SLC39A12: variants seen among roughly 807,000 people sequenced by gnomAD.
SLC39A12 encodes the protein zinc transporter ZIP12.
A neutral mutation model predicts 71.1 loss-of-function variants in SLC39A12; 63 were observed. The observed-to-expected ratio is 0.89, with a 90% CI of 0.72 to 1.09. The LOEUF is 1.09. Among genes scored for constraint, SLC39A12 ranks in the 50% least tolerant of loss-of-function variants. The pLI, the probability that SLC39A12 is intolerant of heterozygous loss-of-function variation, is 0.00. For missense variants in SLC39A12, 892 were observed against 812.6 expected (o/e 1.10, Z -1.19); for synonymous variants, 351 against 301.3 (o/e 1.16, Z -1.71).
chr10:18,034,898 C>G (rs867697077), intron 12 of SLC39A12, among the ~76,000 whole-genome samples: 4 of 151,764 alleles, frequency 2.6e-5, no homozygotes, highest in Non-Finnish European at 2.9e-5. Context: ...ATTTCTCCTT[C>G]ACTTATGAAG....
chr10:17,960,007 T>C (rs1239645353), intron 2 of SLC39A12, among the ~76,000 whole-genome samples: 2 of 152,126 alleles, frequency 1.3e-5, no homozygotes, highest in African/African-American at 2.4e-5. Context: ...ATAGAAAAAG[T>C]GAAAACTCCA....
chr10:18,025,465 C>T (rs930953453), intron 12 of SLC39A12, among the ~76,000 whole-genome samples: 18 of 151,928 alleles, frequency 1.2e-4, no homozygotes, highest in African/African-American at 3.6e-4. Context: ...TTCCCACCTA[C>T]GAGTGAGAAC....
chr10:17,977,644 A>T (rs1267654923), intron 4 of SLC39A12, among the ~76,000 whole-genome samples: 6 of 152,192 alleles, frequency 3.9e-5, no homozygotes, highest in African/African-American at 1.4e-4. Flanking sequence ...TCTATGATGG[A>T]TGTATAATGC....
chr10:17,962,142 C>T (rs1294187968), intron 3 of SLC39A12, among the ~76,000 whole-genome samples: 3 of 152,196 alleles, frequency 2.0e-5, no homozygotes, highest in African/African-American at 7.2e-5. Context: ...CCTCTGAGCA[C>T]TCAAATCAGT....
In SLC39A12 at chr10:18,003,936, C is replaced by T. The variant is rs1052880183; in HGVS notation, c.1947+578C>T. Among the ~76,000 whole-genome samples the T allele has an allele frequency of 3.9e-5, 6 of 152,062 alleles. No homozygotes were observed. In the East Asian group the frequency reaches 5.8e-4, roughly 15 times the overall value. Reference sequence around the variant, plus strand: ...GTTTGAATTGCCAAAAGGACAATTGCGCTGATGAAATGAGAAAGAAGATTT... The same window carrying T: ...GTTTGAATTGCCAAAAGGACAATTGTGCTGATGAAATGAGAAAGAAGATTT... On this transcript the variant is annotated intron_variant, in intron 12 of 12. Coordinates refer to ENST00000377369, the MANE Select transcript of SLC39A12 (RefSeq NM_001145195.2).
intron 9 of SLC39A12, among the ~76,000 whole-genome samples, chr10:17,994,432 A>ATT (rs66831597): frequency 6.6e-5 from 10 of 152,094 alleles, no homozygotes; most frequent in East Asian, 1.9e-4. Flanking sequence ...AAGAATGTAC[A>ATT]TTTTTTTCCC....
rs782592524 is a variant in SLC39A12, at chr10:17,953,291, A to C, written c.15A>C (p.Thr5=). The C allele has an allele frequency of 4.3e-6, 7 of 1,614,150 alleles. No homozygotes were observed. In the South Asian group the frequency reaches 7.7e-5, roughly 18 times the overall value. Residue 5 remains threonine, a synonymous_variant, in exon 2 of 13, where the codon ACA becomes ACC. Transcript: ENST00000377369. MCFR[T]KLSVSWVPLF... is the part of the protein sequence containing the mutation. ...GAAGCGTGGAAATGTGCTTCCGGAC[A>C]AAGCTCTCAGTATCCTGGGTGCCAT...
chr10:18,016,260 T>C (rs1836380485), intron 12 of SLC39A12, among the ~76,000 whole-genome samples: 1 of 152,210 alleles, frequency 6.6e-6, no homozygotes, highest in Admixed American at 6.5e-5. Flanking sequence ...GGTTTTGTCT[T>C]TTTCAGAATG....
At chr10:18,017,116 T>C (rs1259969923) in intron 12 of SLC39A12, among the ~76,000 whole-genome samples, 1 of 152,160 alleles carries the variant, frequency 6.6e-6, no homozygotes, top group Non-Finnish European at 1.5e-5. Context: ...TATTTACTTA[T>C]ATATTTTTAA....
At chr10:17,957,153 G>C (rs1834571820) in intron 2 of SLC39A12, among the ~76,000 whole-genome samples, 1 of 152,102 alleles carries the variant, frequency 6.6e-6, no homozygotes, top group Non-Finnish European at 1.5e-5. Flanking sequence ...AACCCCTAAA[G>C]TTTATCCTGG....
chr10:17,965,657 TC>T lies in SLC39A12; in HGVS notation c.720del (p.Leu241Ter). 2 of 1,614,130 alleles carry T rather than the reference TC, an allele frequency of 1.2e-6. No homozygotes were observed. The highest frequency in any genetic ancestry group is 8.5e-7 in the Non-Finnish European group (1 of 1,179,978). ...CTACTTTACAGAATATATTTTCAGT[TC>T]CTTGAATCGTACGAATACCCTCCGC... ...PDYFTEYIFS[S>X]LNRTNTLRLS... On this transcript the variant is annotated frameshift_variant, in exon 4 of 13. Transcript: ENST00000377369. LOFTEE classifies it high-confidence loss of function.
intron 12 of SLC39A12, among the ~76,000 whole-genome samples, chr10:18,032,786 T>C (rs1246617128): frequency 2.6e-5 from 4 of 151,742 alleles, no homozygotes; most frequent in Non-Finnish European, 5.9e-5. Flanking sequence ...GGCTGTGGCT[T>C]TGTCATAGAT....
At chr10:17,977,775 A>G in intron 4 of SLC39A12, 127 bp from the exon 5 acceptor site, 1 of 681,610 alleles carries the variant, frequency 1.5e-6, no homozygotes, top group Non-Finnish European at 2.2e-6. Context: ...CCATTCTGTC[A>G]TCTCTAGGGC....
intron 12 of SLC39A12, among the ~76,000 whole-genome samples, chr10:18,041,709 A>G (rs1038257018): frequency 4.7e-5 from 5 of 105,284 alleles, no homozygotes; most frequent in African/African-American, 1.6e-4. Context: ...ATATATATGT[A>G]TATACATATG....
intron 2 of SLC39A12, among the ~76,000 whole-genome samples, chr10:17,954,865 T>C (rs1400225850): frequency 6.6e-6 from 1 of 152,158 alleles, no homozygotes; most frequent in Admixed American, 6.5e-5. Flanking sequence ...AAGTGTTTTG[T>C]TTTTTCATAA....
chr10:18,038,400 C>T (rs1457172843), intron 12 of SLC39A12, among the ~76,000 whole-genome samples: 2 of 152,040 alleles, frequency 1.3e-5, no homozygotes. Flanking sequence ...TTTGTAATCC[C>T]AGCACTTTGG....
At chr10:17,962,399 C>G (rs1415499172) in intron 3 of SLC39A12, among the ~76,000 whole-genome samples, 1 of 152,078 alleles carries the variant, frequency 6.6e-6, no homozygotes, top group African/African-American at 2.4e-5. Flanking sequence ...ATTCAAATGC[C>G]TCTCCTCTCT....
intron 5 of SLC39A12, among the ~76,000 whole-genome samples, chr10:17,979,664 C>A (rs1835204385): frequency 6.6e-6 from 1 of 152,160 alleles, no homozygotes; most frequent in African/African-American, 2.4e-5. Context: ...TGGATGCTTT[C>A]TGTAGCAGAA....
At chr10:18,026,541 T>G (rs1269693388) in intron 12 of SLC39A12, among the ~76,000 whole-genome samples, 3 of 152,188 alleles carry the variant, frequency 2.0e-5, no homozygotes, top group Non-Finnish European at 4.4e-5. Context: ...CTTGATGTTC[T>G]TTGAGCTTCC....
Sources: gnomAD v4.1 joint callset for allele counts (sites outside exome capture counted in the v4.1 genomes callset) on GRCh38, gnomAD v4.1.1 for gene constraint, MANE v1.5 for transcripts, NCBI Gene and HGNC (gene_info 2026-07-23, HGNC 2026-07-21) for gene names.